SLC24A2: variants seen among roughly 807,000 people sequenced by gnomAD.
SLC24A2 encodes sodium/potassium/calcium exchanger 2.
A neutral mutation model predicts 62.0 loss-of-function variants in SLC24A2; 36 were observed. That is an observed-to-expected ratio of 0.58 (90% confidence interval 0.44 to 0.77). The LOEUF is 0.77. Ranked by LOEUF, SLC24A2 falls within the 30% of genes least tolerant of loss-of-function variation. The pLI is 0.00. For missense variants in SLC24A2, 846 were observed against 817.9 expected, an observed-to-expected ratio of 1.03 and a Z score of -0.42; for synonymous variants, 358 against 294.0, an observed-to-expected ratio of 1.22 and a Z score of -2.23.
chr9:20,070,967 T>C, the SLC24A2 span, among the ~76,000 whole-genome samples: 2 of 152,174 alleles, frequency 1.3e-5, no homozygotes, highest in Non-Finnish European at 2.9e-5. Flanking sequence ...TGGTTTATTA[T>C]AGTTTAACAC....
At chr9:19,535,981 T>A (rs909474589) in intron 8 of SLC24A2, among the ~76,000 whole-genome samples, 7 of 150,896 alleles carry the variant, frequency 4.6e-5, no homozygotes, top group African/African-American at 1.7e-4. Context: ...TGAGCAGGCA[T>A]GTTGTTCCAT....
At chr9:20,303,843 T>C in the SLC24A2 span, among the ~76,000 whole-genome samples, 3 of 152,192 alleles carry the variant, frequency 2.0e-5, no homozygotes, top group African/African-American at 7.2e-5. Context: ...CTTTGCATCT[T>C]ATCTGAAGCT....
chr9:19,928,448 C>T, the SLC24A2 span: 3 of 152,214 alleles, frequency 2.0e-5, no homozygotes, highest in Non-Finnish European at 4.4e-5. Context: ...AGTCCCAGCT[C>T]ATACTCTTCA....
Position 19,572,843 on chromosome 9 carries a change from A to G in SLC24A2, c.1347+508T>C, listed in dbSNP as rs148094378. Reference sequence around the variant, plus strand: ...GTTGGGCCAGAGAGTGTTAATTTCAACCACAGGGACAGAGAAAGCCAAAGG... The same window carrying G: ...GTTGGGCCAGAGAGTGTTAATTTCAGCCACAGGGACAGAGAAAGCCAAAGG... On this transcript the variant is annotated intron_variant, in intron 7 of 10. Coordinates refer to ENST00000341998, the MANE Select transcript of SLC24A2 (RefSeq NM_020344.4). Among the ~76,000 whole-genome samples, 11 of 152,300 alleles carry G rather than the reference A, an allele frequency of 7.2e-5. No homozygotes were observed. The East Asian group carries it at 2.1e-3, about 29-fold the overall frequency.
the SLC24A2 span, among the ~76,000 whole-genome samples, chr9:19,814,999 A>C: frequency 6.6e-6 from 1 of 152,178 alleles, no homozygotes; most frequent in African/African-American, 2.4e-5. Context: ...ATTCTAAAAG[A>C]CTATCCCTCA....
the SLC24A2 span, among the ~76,000 whole-genome samples, chr9:20,271,042 A>C: frequency 2.6e-5 from 4 of 152,006 alleles, no homozygotes; most frequent in African/African-American, 9.7e-5. Flanking sequence ...ATCCTCCCTG[A>C]AATACACAAA....
At chr9:19,553,214 A>G (rs1834927986) in intron 7 of SLC24A2, among the ~76,000 whole-genome samples, 1 of 152,220 alleles carries the variant, frequency 6.6e-6, no homozygotes. Flanking sequence ...GGAAGAAAAA[A>G]ATACTGTTCC....
the SLC24A2 span, among the ~76,000 whole-genome samples, chr9:20,137,998 G>T: frequency 6.6e-6 from 1 of 152,150 alleles, no homozygotes; most frequent in Non-Finnish European, 1.5e-5. Context: ...AAGCTGAGAA[G>T]GAACATTATT....
Position 19,509,252 on chromosome 9 carries a change from G to C in SLC24A2, c.*6901C>G, listed in dbSNP as rs1832621797. 1 of 152,108 alleles carries C rather than the reference G, an allele frequency of 6.6e-6. No homozygotes were observed. The allele number at this position is 152,108 out of a possible 1,614,324, so 9.4% of individuals were successfully genotyped here. A position where few individuals can be genotyped will look rare whatever the true frequency, so the allele number is the denominator to read the frequency against. On this transcript the variant is annotated 3_prime_UTR_variant, in exon 11 of 11. Coordinates refer to ENST00000341998, the MANE Select transcript of SLC24A2 (RefSeq NM_020344.4). ...GAACTTGCTAAAGAAACTGTAATAA[G>C]CTATTTTGAAAACGAAGACTGCTTT...
chr9:20,188,705 A>G, the SLC24A2 span, among the ~76,000 whole-genome samples: 49 of 152,226 alleles, frequency 3.2e-4, no homozygotes, highest in East Asian at 1.2e-3. Flanking sequence ...AGCTAGGATG[A>G]CGGGAGAAGA....
chr9:19,941,809 C>G, the SLC24A2 span, among the ~76,000 whole-genome samples: 1 of 152,086 alleles, frequency 6.6e-6, no homozygotes, highest in Non-Finnish European at 1.5e-5. Flanking sequence ...CGTTCTGTTT[C>G]CATTCCATTA....
chr9:19,590,564 C>G (rs1001183316), intron 5 of SLC24A2, among the ~76,000 whole-genome samples: 1 of 152,148 alleles, frequency 6.6e-6, no homozygotes, highest in African/African-American at 2.4e-5. Flanking sequence ...AAGCGGACTT[C>G]CTGGTCTCCC....
intron 7 of SLC24A2, among the ~76,000 whole-genome samples, chr9:19,565,262 CAA>C (rs1160104169): frequency 1.3e-5 from 2 of 151,418 alleles, no homozygotes; most frequent in East Asian, 1.9e-4. Flanking sequence ...GCAACTTCAG[CAA>C]AGTCTCAGGA....
chr9:19,578,015 C>A (rs1281048068), intron 5 of SLC24A2, among the ~76,000 whole-genome samples: 3 of 151,166 alleles, frequency 2.0e-5, no homozygotes, highest in African/African-American at 4.9e-5. Context: ...TGTGTTCTCA[C>A]TGATACATGG....
chr9:20,247,465 G>GC, the SLC24A2 span, among the ~76,000 whole-genome samples: 1 of 152,136 alleles, frequency 6.6e-6, no homozygotes, highest in Non-Finnish European at 1.5e-5. Flanking sequence ...TGAGGGTGAA[G>GC]CCCCCATGGA....
chr9:19,695,026 G>A (rs1820145770), intron 2 of SLC24A2, among the ~76,000 whole-genome samples: 1 of 150,532 alleles, frequency 6.6e-6, no homozygotes, highest in African/African-American at 2.4e-5. Context: ...CAAATAAAAA[G>A]GCCGGCCAGC....
the SLC24A2 span, among the ~76,000 whole-genome samples, chr9:19,943,574 A>C: frequency 6.6e-6 from 1 of 152,288 alleles, no homozygotes; most frequent in Non-Finnish European, 1.5e-5. Context: ...GCTAGCAAGA[A>C]TCATACTAAA....
chr9:19,851,002 C>T, the SLC24A2 span, among the ~76,000 whole-genome samples: 640 of 28,328 alleles, frequency 0.023, 26 homozygotes, highest in Middle Eastern at 0.037. Context: ...TATATATATA[C>T]ACATACATAT....
intron 2 of SLC24A2, among the ~76,000 whole-genome samples, chr9:19,679,063 C>T (rs559406272): frequency 2.6e-4 from 40 of 152,280 alleles, no homozygotes; most frequent in Non-Finnish European, 5.9e-4. Flanking sequence ...AAGATGAGAA[C>T]ATCGACTTTT....
Sources: allele counts gnomAD v4.1 joint callset (sites outside exome capture counted in the v4.1 genomes callset), GRCh38; gene constraint gnomAD v4.1.1; transcripts MANE v1.5; gene names NCBI Gene and HGNC (gene_info 2026-07-23, HGNC 2026-07-21).